Variants in WRN observed in about 807,000 individuals in gnomAD.
WRN encodes bifunctional 3'-5' exonuclease/ATP-dependent helicase WRN.
A neutral mutation model predicts 180.7 loss-of-function variants in WRN; 149 were observed. That is an observed-to-expected ratio of 0.82 (90% CI 0.72 to 0.94). The LOEUF (loss-of-function observed/expected upper bound fraction) is 0.94. Among genes scored for constraint, WRN ranks in the 40% least tolerant of loss-of-function variants. The pLI is 0.00. For missense variants in WRN, 1,661 were observed against 1,700.1 expected (o/e 0.98, Z 0.40); for synonymous variants, 548 against 568.9 (o/e 0.96, Z 0.52).
intron 1 of WRN, among the ~76,000 whole-genome samples, chr8:31,035,094 A>C (rs1435680430): frequency 2.0e-5 from 3 of 152,162 alleles, no homozygotes; most frequent in Non-Finnish European, 4.4e-5. Flanking sequence ...CCCTTTATTA[A>C]TCCAACAAAT....
At chr8:31,051,478 A>G (rs1408009960) in intron 1 of WRN, among the ~76,000 whole-genome samples, 1 of 152,160 alleles carries the variant, frequency 6.6e-6, no homozygotes, top group Non-Finnish European at 1.5e-5. Context: ...TATTGGCGTG[A>G]TTTCTATTGA....
chr8:31,047,030 C>T (rs1218548575), intron 1 of WRN, among the ~76,000 whole-genome samples: 2 of 151,952 alleles, frequency 1.3e-5, no homozygotes, highest in Non-Finnish European at 2.9e-5. Context: ...TATTAATTTT[C>T]CAGTTTCTTT....
intron 17 of WRN, among the ~76,000 whole-genome samples, chr8:31,099,271 G>GT (rs1814115568): frequency 6.6e-6 from 1 of 152,076 alleles, no homozygotes; most frequent in Non-Finnish European, 1.5e-5. Flanking sequence ...GGGCATGGTG[G>GT]TGGGTGCCTG....
At chr8:31,098,757 G>A (rs1033945476) in intron 17 of WRN, among the ~76,000 whole-genome samples, 2 of 152,090 alleles carry the variant, frequency 1.3e-5, no homozygotes, top group Non-Finnish European at 2.9e-5. Flanking sequence ...TTTATAGGGA[G>A]GCTCCTTACC....
At chr8:31,157,802 G>A (rs545886571) in intron 33 of WRN, among the ~76,000 whole-genome samples, 7 of 152,058 alleles carry the variant, frequency 4.6e-5, no homozygotes, top group South Asian at 2.1e-4. Context: ...ATCTTGGCTC[G>A]CTGCAACCTC....
intron 1 of WRN, among the ~76,000 whole-genome samples, chr8:31,049,947 TATC>T (rs955833895): frequency 6.6e-6 from 1 of 151,890 alleles, no homozygotes; most frequent in Middle Eastern, 3.4e-3. Flanking sequence ...AATTATATAA[TATC>T]ATAAGACAAG....
At chr8:31,104,982 G>A in intron 18 of WRN, among the ~76,000 whole-genome samples, 1 of 152,150 alleles carries the variant, frequency 6.6e-6, no homozygotes, top group East Asian at 1.9e-4. Flanking sequence ...CTTTTGGTAG[G>A]TTGTCTAGTT....
At position 31,076,283 on chromosome 8, in the gene WRN, C is replaced by T. The variant is rs199923241; in HGVS notation, c.835C>T (p.Arg279Trp). 4.3e-5 allele frequency: 69 copies of T among 1,611,114 alleles called. No homozygotes were observed. The African/African-American group carries it at 4.4e-4, about 10-fold the overall frequency. The part of the protein sequence containing the change: ...PHAFSKLENP[R>W]RVSILLKDIS... ...TGCTTTCAGTAAATTGGAAAACCCA[C>T]GGAGGTTAAATATTACCTTTTTTTT... The change falls in exon 8 of 35, where the codon CGG becomes TGG. Residue 279 changes from arginine to tryptophan, a missense_variant. Transcript: ENST00000298139.
intron 1 of WRN, among the ~76,000 whole-genome samples, chr8:31,057,468 G>A (rs1812314688): frequency 6.6e-6 from 1 of 152,178 alleles, no homozygotes; most frequent in Admixed American, 6.5e-5. Flanking sequence ...CTACTCAGGA[G>A]GCTGAGGCAG....
At chr8:31,143,056 T>TACACACATTC (rs760602455) in intron 27 of WRN, among the ~76,000 whole-genome samples, 126 of 115,640 alleles carry the variant, frequency 1.1e-3, no homozygotes, top group Non-Finnish European at 2.0e-3. Context: ...CACACACACA[T>TACACACATTC]TCTCTCTCTC....
chr8:31,158,822 G>A (rs889159378), intron 33 of WRN, among the ~76,000 whole-genome samples: 3 of 152,096 alleles, frequency 2.0e-5, no homozygotes, highest in Admixed American at 6.6e-5. Context: ...GGACAGACAC[G>A]GAGGCAAGTT....
intron 33 of WRN, among the ~76,000 whole-genome samples, chr8:31,165,178 G>C (rs939668151): frequency 2.0e-5 from 3 of 151,890 alleles, no homozygotes; most frequent in Non-Finnish European, 4.4e-5. Flanking sequence ...AAATTAATTT[G>C]TTTAGCGCAT....
chr8:31,175,312 A>G lies in WRN; in HGVS notation c.*2210A>G, dbSNP rs1403956728. Among the ~76,000 whole-genome samples, 2 of 152,014 alleles carry G rather than the reference A, an allele frequency of 1.3e-5. No individual in the cohort carries two copies. Among genetic ancestry groups the G allele is most frequent in the Non-Finnish European group, 1.5e-5 (1 of 68,000 alleles). ...TAGCTGGGTGTGTTGGTGCGTGCCT[A>G]TAATCCCAGCTACTCGGGAGGCTGA... On this transcript the variant is annotated 3_prime_UTR_variant, in exon 35 of 35. Coordinates refer to ENST00000298139, the MANE Select transcript of WRN (RefSeq NM_000553.6).
At chr8:31,071,204 A>G (rs1237686933) in intron 7 of WRN, among the ~76,000 whole-genome samples, 2 of 152,194 alleles carry the variant, frequency 1.3e-5, no homozygotes, top group Non-Finnish European at 2.9e-5. Context: ...TGGGCGGATG[A>G]AGGCAAAGCA....
At chr8:31,131,848 T>G in intron 23 of WRN, 1 of 159,162 alleles carries the variant, frequency 6.3e-6, no homozygotes, top group Non-Finnish European at 1.4e-5. Flanking sequence ...CAGCTGCTGC[T>G]TCACAAAAGA....
intron 17 of WRN, among the ~76,000 whole-genome samples, chr8:31,100,396 GCAATATGATATGTGATCAAT>G (rs1741945166): frequency 6.6e-6 from 1 of 152,178 alleles, no homozygotes; most frequent in South Asian, 2.1e-4. Context: ...AGGACTCTTT[GCAATATGATATGTGATCAAT>G]CATGGATGGC....
intron 24 of WRN, among the ~76,000 whole-genome samples, chr8:31,140,967 T>G (rs1802600309): frequency 6.6e-6 from 1 of 151,956 alleles, no homozygotes; most frequent in African/African-American, 2.4e-5. Flanking sequence ...ATGTTAGCCA[T>G]GATGGTCTCA....
chr8:31,172,952 G>A (rs1260211091), intron 34 of WRN, 43 bp from the exon 35 acceptor site: 8 of 1,588,406 alleles, frequency 5.0e-6, no homozygotes, highest in Non-Finnish European at 6.0e-6. Context: ...CCCCTTCTCA[G>A]TAGTACAAAG....
chr8:31,047,086 A>G (rs1811896383), intron 1 of WRN, among the ~76,000 whole-genome samples: 1 of 151,004 alleles, frequency 6.6e-6, no homozygotes, highest in Non-Finnish European at 1.5e-5. Context: ...CCTATACTTA[A>G]ATTGGTCTTA....
Sources: gnomAD v4.1 joint callset for allele counts (sites outside exome capture counted in the v4.1 genomes callset) on GRCh38, gnomAD v4.1.1 for gene constraint, MANE v1.5 for transcripts, NCBI Gene and HGNC (gene_info 2026-07-23, HGNC 2026-07-21) for gene names.